NRIP3: variants seen among roughly 807,000 people sequenced by gnomAD.
NRIP3 encodes nuclear receptor-interacting protein 3.
A neutral mutation model predicts 29.0 loss-of-function variants in NRIP3; 31 were observed. The observed-to-expected ratio is 1.07, with a 90% CI of 0.80 to 1.44. The LOEUF (loss-of-function observed/expected upper bound fraction) is 1.44. NRIP3 is among the 40% of genes most tolerant of loss of function. NRIP3 has a pLI of 0.00. For missense variants in NRIP3, 314 were observed against 297.9 expected, an observed-to-expected ratio of 1.05 and a Z score of -0.40; for synonymous variants, 131 against 118.3, an observed-to-expected ratio of 1.11 and a Z score of -0.70.
chr11:8,986,299 C>A (rs1378099820), intron 3 of NRIP3, among the ~76,000 whole-genome samples: 1 of 152,180 alleles, frequency 6.6e-6, no homozygotes, highest in Non-Finnish European at 1.5e-5. Context: ...CTGTCTTCAT[C>A]AGTCTGTCTT....
In NRIP3 at chr11:9,003,820, T is replaced by A. The variant is rs1452413235; in HGVS notation, c.116A>T (p.Asp39Val). The change falls in exon 1 of 7, where the codon GAC becomes GTC. Residue 39 changes from aspartate to valine, a missense_variant. Transcript: ENST00000309166. Reference protein sequence around the residue: ...MKQAVQFIHKDSADLLPLDGL... With the variant: ...MKQAVQFIHKVSADLLPLDGL... ...GTCCAGGGGCAGCAGGTCGGCGGAG[T>A]CCTTGTGGATGAACTGCACCGCCTG... 2 of 1,517,138 alleles carry A rather than the reference T, an allele frequency of 1.3e-6. No individual in the cohort carries two copies. Among genetic ancestry groups the A allele is most frequent in the Non-Finnish European group, 1.8e-6 (2 of 1,133,244 alleles). 94.0% of individuals were successfully genotyped at this position (1,517,138 alleles called of 1,614,324 possible). A position where few individuals can be genotyped will look rare whatever the true frequency, so the allele number is the denominator to read the frequency against.
In NRIP3 at chr11:9,003,920, GCCCTGAGTAAAA is replaced by G; in HGVS notation, c.4_15del (p.Phe2_Gly5del). On this transcript the variant is annotated inframe_deletion, in exon 1 of 7. Transcript: ENST00000309166. ...TCCTTGCGGCCGCCCTCAGTGAGGA[GCCCTGAGTAAAA>G]CATCGCTGAGGCGCCGGCGGCCCGG... is the stretch of plus-strand genomic sequence containing the variant. 6.6e-7 allele frequency: 1 copy of G among 1,508,608 alleles called. No homozygotes were observed. The highest frequency in any genetic ancestry group is 1.4e-5 in the African/African-American group (1 of 69,198). The allele number at this position is 1,508,608 out of a possible 1,614,324, so 93.5% of individuals were successfully genotyped here.
At chr11:8,983,834 A>G in intron 6 of NRIP3, 41 bp downstream of exon 6, 1 of 1,519,874 alleles carries the variant, frequency 6.6e-7, no homozygotes, top group Non-Finnish European at 9.1e-7. Flanking sequence ...GCAGCTGATG[A>G]CAAATGGATG....
chr11:8,984,646 A>C (rs1226364865), intron 4 of NRIP3, among the ~76,000 whole-genome samples: 2 of 152,108 alleles, frequency 1.3e-5, no homozygotes, highest in Non-Finnish European at 2.9e-5. Flanking sequence ...GGTCTTTTTT[A>C]CTCTAAAGGA....
chr11:8,988,704 C>G (rs1854554696), intron 1 of NRIP3, among the ~76,000 whole-genome samples: 1 of 152,180 alleles, frequency 6.6e-6, no homozygotes, highest in Non-Finnish European at 1.5e-5. Context: ...ATAGAAAGGG[C>G]AGCTCATTTT....
chr11:8,997,047 T>C (rs1170662743), intron 1 of NRIP3, among the ~76,000 whole-genome samples: 3 of 151,856 alleles, frequency 2.0e-5, no homozygotes, highest in Non-Finnish European at 4.4e-5. Flanking sequence ...CACTGCACTT[T>C]AGCCTGGGTG....
chr11:9,001,773 C>T (rs1331272095), intron 1 of NRIP3, among the ~76,000 whole-genome samples: 1 of 150,460 alleles, frequency 6.6e-6, no homozygotes, highest in African/African-American at 2.5e-5. Flanking sequence ...TCTCCTAGCC[C>T]TACCTCGGTC....
chr11:8,988,145 C>G lies in NRIP3; in HGVS notation c.312G>C (p.Glu104Asp). ...AKSEGLKKSE[E>D]DDMILVSCQC... ...GGCAAGAAACCAAAATCATGTCATC[C>G]TCCTCAGACTTCTTTAGCCCCTCAG... The change falls in exon 2 of 7, where the codon GAG becomes GAC. Residue 104 changes from glutamate to aspartate, a missense_variant. Glu to Asp is a conservative substitution (Grantham distance 45). Transcript: ENST00000309166. 6.2e-7 allele frequency: 1 copy of G among 1,614,106 alleles called. No homozygotes were observed. Among genetic ancestry groups the G allele is most frequent in the East Asian group, 2.2e-5 (1 of 44,874 alleles).
At chr11:8,985,143 G>T (rs1388100982) in intron 4 of NRIP3, among the ~76,000 whole-genome samples, 1 of 135,370 alleles carries the variant, frequency 7.4e-6, no homozygotes, top group Admixed American at 7.5e-5. Flanking sequence ...GAGCCACTGC[G>T]CCCGGCCTCT....
At chr11:8,989,202 G>A (rs528543474) in intron 1 of NRIP3, among the ~76,000 whole-genome samples, 17 of 152,200 alleles carry the variant, frequency 1.1e-4, no homozygotes, top group Non-Finnish European at 2.2e-4. Context: ...ATGCTCCACT[G>A]TTTCTATTCA....
chr11:8,992,113 T>C (rs79015083), intron 1 of NRIP3, among the ~76,000 whole-genome samples: 3,171 of 152,322 alleles, frequency 0.021, 90 homozygotes, highest in East Asian at 0.084. Flanking sequence ...TGCATCTAGC[T>C]GTAAAAGCAG....
intron 1 of NRIP3, among the ~76,000 whole-genome samples, chr11:8,989,117 G>A (rs1854560440): frequency 6.6e-6 from 1 of 152,188 alleles, no homozygotes; most frequent in South Asian, 2.1e-4. Flanking sequence ...CTAATGTTAA[G>A]AAGCAGAATG....
At chr11:8,985,390 C>T (rs929715696) in intron 4 of NRIP3, among the ~76,000 whole-genome samples, 38 of 147,964 alleles carry the variant, frequency 2.6e-4, no homozygotes, top group African/African-American at 9.0e-4. Context: ...AGGATGGTCT[C>T]GATCTCCTGA....
At chr11:8,988,510 C>G (rs1485435228) in intron 1 of NRIP3, among the ~76,000 whole-genome samples, 2 of 152,130 alleles carry the variant, frequency 1.3e-5, no homozygotes, top group Non-Finnish European at 2.9e-5. Flanking sequence ...AGATATGACA[C>G]TGGGAAATGT....
chr11:9,002,284 G>A (rs955687464), intron 1 of NRIP3, among the ~76,000 whole-genome samples: 9 of 152,004 alleles, frequency 5.9e-5, no homozygotes, highest in African/African-American at 1.7e-4. Context: ...AATACTTCTC[G>A]AACCTGATTT....
chr11:9,001,141 A>G (rs1335388306), intron 1 of NRIP3, among the ~76,000 whole-genome samples: 5 of 152,212 alleles, frequency 3.3e-5, no homozygotes, highest in African/African-American at 1.2e-4. Context: ...CAGAATGAAC[A>G]ATACAAGATA....
At chr11:9,002,620 G>GAAAAAAA (rs1555232137) in intron 1 of NRIP3, among the ~76,000 whole-genome samples, 2 of 113,130 alleles carry the variant, frequency 1.8e-5, no homozygotes, top group Admixed American at 8.8e-5. Context: ...AAAAAAAAAG[G>GAAAAAAA]AAATGGATGC....
chr11:8,999,815 T>C (rs1467902511), intron 1 of NRIP3, among the ~76,000 whole-genome samples: 1 of 152,186 alleles, frequency 6.6e-6, no homozygotes, highest in East Asian at 1.9e-4. Context: ...TCCTCAAATG[T>C]AATCTTATCA....
chr11:8,989,271 T>TA (rs1854562113), intron 1 of NRIP3, among the ~76,000 whole-genome samples: 1 of 152,218 alleles, frequency 6.6e-6, no homozygotes, highest in Non-Finnish European at 1.5e-5. Context: ...ACTGGAGAAA[T>TA]TTGTATACAC....
Sources: allele counts gnomAD v4.1 joint callset (sites outside exome capture counted in the v4.1 genomes callset), GRCh38; gene constraint gnomAD v4.1.1; transcripts MANE v1.5; gene names NCBI Gene and HGNC (gene_info 2026-07-23, HGNC 2026-07-21).